Variants in FSTL4 observed in about 807,000 individuals in gnomAD.
FSTL4 encodes the protein follistatin-related protein 4.
Under a neutral mutation model 78.2 loss-of-function variants are expected in FSTL4, and 28 were observed. That is an observed-to-expected ratio of 0.36 (90% CI 0.27 to 0.49). The LOEUF (loss-of-function observed/expected upper bound fraction) is 0.49. Ranked by LOEUF, FSTL4 falls within the 20% of genes least tolerant of loss-of-function variation. The probability of loss-of-function intolerance (pLI) is 0.98; values close to 1 mark genes in which losing one functional copy is unlikely to be tolerated. For missense variants in FSTL4, 922 were observed against 1,084.9 expected, an observed-to-expected ratio of 0.85 and a Z score of 2.11; for synonymous variants, 422 against 440.5, an observed-to-expected ratio of 0.96 and a Z score of 0.53.
chr5:133,563,455 A>C (rs990725892), intron 3 of FSTL4, among the ~76,000 whole-genome samples: 8 of 152,226 alleles, frequency 5.3e-5, no homozygotes, highest in African/African-American at 1.9e-4. Flanking sequence ...AAAAATTAAC[A>C]TGAAAAGGAA....
At chr5:133,637,326 T>C in the FSTL4 span, among the ~76,000 whole-genome samples, 5 of 152,124 alleles carry the variant, frequency 3.3e-5, no homozygotes, top group African/African-American at 1.2e-4. Context: ...GACCTCCCCA[T>C]TGCTATTAAT....
chr5:133,410,300 G>A (rs942840515), intron 3 of FSTL4, among the ~76,000 whole-genome samples: 3 of 152,028 alleles, frequency 2.0e-5, no homozygotes, highest in African/African-American at 7.3e-5. Context: ...CCCTGTCACC[G>A]GCCCTCATTT....
chr5:133,579,079 G>A (rs1760344984), intron 2 of FSTL4, among the ~76,000 whole-genome samples: 1 of 152,168 alleles, frequency 6.6e-6, no homozygotes, highest in Non-Finnish European at 1.5e-5. Flanking sequence ...GACACTAGCA[G>A]GGCTCAGCCT....
At chr5:133,521,146 C>A (rs943967659) in intron 3 of FSTL4, among the ~76,000 whole-genome samples, 1 of 152,048 alleles carries the variant, frequency 6.6e-6, no homozygotes, top group Non-Finnish European at 1.5e-5. Flanking sequence ...TGAAGCTGAC[C>A]CCCCATCCCC....
chr5:133,640,025 C>T, the FSTL4 span, among the ~76,000 whole-genome samples: 1 of 152,232 alleles, frequency 6.6e-6, no homozygotes, highest in East Asian at 1.9e-4. Flanking sequence ...ACACCCACCA[C>T]AGTTATGTTA....
chr5:133,227,658 C>T (rs923402493), intron 8 of FSTL4, among the ~76,000 whole-genome samples: 3 of 152,080 alleles, frequency 2.0e-5, no homozygotes, highest in Non-Finnish European at 4.4e-5. Context: ...TCTATTTCTA[C>T]AAGCCTGCCT....
At chr5:133,583,213 C>A (rs797022731) in intron 2 of FSTL4, 22 of 455,284 alleles carry the variant, frequency 4.8e-5, no homozygotes, top group African/African-American at 4.2e-4. Flanking sequence ...TTCACAGTAA[C>A]CACAGTTGGT....
At position 133,333,495 on chromosome 5, in the gene FSTL4, G is replaced by A. The variant is rs1394245439; in HGVS notation, c.410-16843C>T. On this transcript the variant is annotated intron_variant, in intron 4 of 15. Transcript: ENST00000265342. ...ACGTTGAAACCCTGCCCAGGCATAG[G>A]GGCCCCTTACTGGGCAAATCTTATT... Among the ~76,000 whole-genome samples the A allele has an allele frequency of 2.6e-5, 4 of 152,150 alleles. No individual in the cohort carries two copies. The South Asian group carries it at 8.3e-4, about 32-fold the overall frequency.
chr5:133,427,988 G>C (rs146990743), intron 3 of FSTL4, among the ~76,000 whole-genome samples: 1,846 of 152,230 alleles, frequency 0.012, 29 homozygotes, highest in African/African-American at 0.042. Context: ...AGTCCCTAAT[G>C]GGAGAAAAAT....
At chr5:133,840,979 A>G in the FSTL4 span, among the ~76,000 whole-genome samples, 6 of 152,372 alleles carry the variant, frequency 3.9e-5, no homozygotes, top group East Asian at 9.6e-4. Context: ...AAGGGGATGG[A>G]GACCTCCTCA....
chr5:133,412,540 T>C (rs930481196), intron 3 of FSTL4, among the ~76,000 whole-genome samples: 1 of 152,176 alleles, frequency 6.6e-6, no homozygotes, highest in Non-Finnish European at 1.5e-5. Flanking sequence ...AAATTATTTC[T>C]ATTAAATAAT....
At chr5:133,303,423 G>T (rs1187032864) in intron 6 of FSTL4, among the ~76,000 whole-genome samples, 1 of 152,244 alleles carries the variant, frequency 6.6e-6, no homozygotes, top group African/African-American at 2.4e-5. Flanking sequence ...GGTGTCCAAT[G>T]CCTCTCTCTG....
At chr5:133,718,178 C>T in the FSTL4 span, among the ~76,000 whole-genome samples, 3 of 151,982 alleles carry the variant, frequency 2.0e-5, no homozygotes, top group East Asian at 1.9e-4. Context: ...CTACAACCTC[C>T]GCCTCCCGGG....
chr5:133,201,384 G>A (rs141540106), intron 15 of FSTL4, among the ~76,000 whole-genome samples: 423 of 152,314 alleles, frequency 2.8e-3, no homozygotes, highest in Non-Finnish European at 4.8e-3. Context: ...TTGTCTCGTT[G>A]TGGGCTCCCC....
chr5:133,277,747 G>A (rs1473339598), intron 6 of FSTL4, among the ~76,000 whole-genome samples: 1 of 152,152 alleles, frequency 6.6e-6, no homozygotes, highest in African/African-American at 2.4e-5. Flanking sequence ...GACTCTGGGG[G>A]ATCCTGGGGC....
chr5:133,634,695 T>A, the FSTL4 span, among the ~76,000 whole-genome samples: 1 of 152,226 alleles, frequency 6.6e-6, no homozygotes, highest in East Asian at 1.9e-4. Flanking sequence ...CTCTCTAGAA[T>A]ATCTCCAGTT....
rs867549743 is a variant in FSTL4 at position 133,448,742 on chromosome 5, G to T, written c.161-47756C>A. Among the ~76,000 whole-genome samples the T allele has an allele frequency of 7.2e-4, 106 of 146,822 alleles. 1 individual carries two copies. The Middle Eastern group carries it at 0.021, about 29-fold the overall frequency. ...AGAATCCCCAGGGGTGCGGGGGCGG[G>T]GGGGGGGGGCGCTCAGAATTTTCCG... is the stretch of plus-strand genomic sequence containing the variant. On this transcript the variant is annotated intron_variant, in intron 3 of 15. Transcript: ENST00000265342.
At chr5:133,226,117 T>C (rs566534483) in intron 8 of FSTL4, among the ~76,000 whole-genome samples, 1 of 152,334 alleles carries the variant, frequency 6.6e-6, no homozygotes, top group South Asian at 2.1e-4. Flanking sequence ...AGCTGCTACA[T>C]GTAAAGAGCA....
the FSTL4 span, among the ~76,000 whole-genome samples, chr5:133,734,598 CTG>C: frequency 6.6e-6 from 1 of 152,144 alleles, no homozygotes; most frequent in Non-Finnish European, 1.5e-5. Context: ...CACTCTACAT[CTG>C]TGTATGTTTG....
Sources: allele counts gnomAD v4.1 joint callset (sites outside exome capture counted in the v4.1 genomes callset), GRCh38; gene constraint gnomAD v4.1.1; transcripts MANE v1.5; gene names NCBI Gene and HGNC (gene_info 2026-07-23, HGNC 2026-07-21).